TG: variants seen among roughly 807,000 people sequenced by gnomAD.
The protein encoded by TG is thyroid hormones.
TG carries 270 observed loss-of-function variants against 324.7 expected under a neutral mutation model. The ratio of observed to expected loss-of-function variants is 0.83; its 90% CI spans 0.75 to 0.92. TG has a LOEUF of 0.92. Ranked by LOEUF, TG falls within the 40% of genes least tolerant of loss-of-function variation. TG has a pLI of 0.00. For missense variants in TG, 3,591 were observed against 3,456.4 expected, an observed-to-expected ratio of 1.04 and a Z score of -0.98; for synonymous variants, 1,401 against 1,327.0, an observed-to-expected ratio of 1.06 and a Z score of -1.21.
At chr8:133,045,159 AC>A (rs1271408439) in intron 41 of TG, 2 of 1,607,516 alleles carry the variant, frequency 1.2e-6, no homozygotes, top group African/African-American at 1.3e-5. Flanking sequence ...ACCTGTCCTC[AC>A]CCCAAGGCAC....
At chr8:133,037,680 T>C (rs1466711597) in intron 41 of TG, 1 of 152,068 alleles carries the variant, frequency 6.6e-6, no homozygotes, top group Non-Finnish European at 1.5e-5. Flanking sequence ...ACAGAGGACT[T>C]AATGCAATGC....
intron 41 of TG, among the ~76,000 whole-genome samples, chr8:133,066,014 A>G (rs1842985356): frequency 6.6e-6 from 1 of 152,092 alleles, no homozygotes; most frequent in Non-Finnish European, 1.5e-5. Flanking sequence ...TGTGGTCAAA[A>G]GGGCAGGAGT....
At position 133,003,724 on chromosome 8, in the gene TG, G is replaced by T. The variant is rs772693108; in HGVS notation, c.6263-8177G>T. On this transcript the variant is annotated intron_variant, in intron 35 of 47. Transcript: ENST00000220616. Reference sequence around the variant, plus strand: ...CTGTGCTGCCTCCAGGTTGTGAGGTGACCCAAGCTGCCCCCATCACCTCCT... The same window carrying T: ...CTGTGCTGCCTCCAGGTTGTGAGGTTACCCAAGCTGCCCCCATCACCTCCT... 6.1e-4 allele frequency among the ~76,000 whole-genome samples: 93 copies of T among 152,302 alleles called. 1 individual carries two copies. Among genetic ancestry groups the T allele is most frequent in the South Asian group, 4.1e-3 (20 of 4,828 alleles).
intron 41 of TG, among the ~76,000 whole-genome samples, chr8:133,030,862 G>C (rs1836574571): frequency 6.6e-6 from 1 of 152,246 alleles, no homozygotes; most frequent in African/African-American, 2.4e-5. Context: ...GGAAAGCTTG[G>C]AGGACAGAGC....
At chr8:133,026,218 G>A (rs543110994) in intron 40 of TG, among the ~76,000 whole-genome samples, 2 of 152,344 alleles carry the variant, frequency 1.3e-5, no homozygotes, top group African/African-American at 4.8e-5. Context: ...AATATGTGCA[G>A]CATCTGCTGC....
At chr8:133,115,065 T>C (rs915962738) in intron 44 of TG, among the ~76,000 whole-genome samples, 22 of 152,204 alleles carry the variant, frequency 1.4e-4, no homozygotes, top group African/African-American at 5.1e-4. Context: ...GAGAGGCTTA[T>C]AATCAAGTCA....
chr8:133,029,266 T>C (rs1400924195), intron 40 of TG, among the ~76,000 whole-genome samples: 4 of 152,126 alleles, frequency 2.6e-5, no homozygotes, highest in Non-Finnish European at 4.4e-5. Flanking sequence ...TCAACAAATG[T>C]TAATTGGATT....
chr8:133,038,453 T>A (rs1837482915), intron 41 of TG: 1 of 1,284,330 alleles, frequency 7.8e-7, no homozygotes, highest in African/African-American at 1.5e-5. Flanking sequence ...GAACCTCGCT[T>A]TTCGCAAGAT....
intron 22 of TG, among the ~76,000 whole-genome samples, chr8:132,928,632 A>C (rs562179000): frequency 6.6e-6 from 1 of 152,238 alleles, no homozygotes; most frequent in African/African-American, 2.4e-5. Flanking sequence ...ACATGTCTTC[A>C]GATTTACCTA....
chr8:132,968,119 T>G (rs1245073328), intron 31 of TG, 149 bp downstream of exon 31: 2 of 988,930 alleles, frequency 2.0e-6, no homozygotes, highest in African/African-American at 3.3e-5. Context: ...GGATCCAAAC[T>G]TTCACGGTTA....
intron 27 of TG, among the ~76,000 whole-genome samples, chr8:132,959,609 C>T (rs544609072): frequency 6.6e-6 from 1 of 152,288 alleles, no homozygotes; most frequent in Non-Finnish European, 1.5e-5. Context: ...AGAACATATT[C>T]TGGTTGGTAA....
intron 40 of TG, among the ~76,000 whole-genome samples, chr8:133,025,397 A>G (rs918137894): frequency 6.6e-5 from 10 of 152,196 alleles, no homozygotes; most frequent in African/African-American, 2.4e-4. Flanking sequence ...TCCCTCTTTC[A>G]TATTTTTTAA....
chr8:132,912,765 C>T (rs1819713318), intron 19 of TG, among the ~76,000 whole-genome samples: 1 of 152,078 alleles, frequency 6.6e-6, no homozygotes, highest in African/African-American at 2.4e-5. Flanking sequence ...GACTGAAGAC[C>T]CGATATCCTA....
Position 133,013,775 on chromosome 8 carries a change from G to T in TG, c.6562+11G>T. The T allele has an allele frequency of 6.2e-7, 1 of 1,607,166 alleles. No individual in the cohort carries two copies. On this transcript the variant is annotated intron_variant, in intron 37 of 47. Transcript: ENST00000220616. ...TCTACCGGAAGCCAGGTAAGCCCAA[G>T]CCTATGCCTTTGCAGCCATCCTGGG...
chr8:132,902,793 G>A lies in TG; in HGVS notation c.3634+1240G>A, dbSNP rs183204398. ...CCGGTGTGGCCTCCTCCAGGAACAG[G>A]TCTGGAGCACAGCTCCTTTAGCGCT... On this transcript the variant is annotated intron_variant, in intron 16 of 47. Transcript: ENST00000220616. Among the ~76,000 whole-genome samples, 938 of 152,316 alleles carry A rather than the reference G, an allele frequency of 6.2e-3. 4 individuals are homozygous for A. Among genetic ancestry groups the A allele is most frequent in the Non-Finnish European group, 7.2e-3 (492 of 68,038 alleles).
chr8:133,103,218 C>G (rs80221747), intron 43 of TG, among the ~76,000 whole-genome samples: 3,633 of 152,314 alleles, frequency 0.024, 157 homozygotes, highest in African/African-American at 0.082. Context: ...CTGGTCTGAG[C>G]TGCAGTTTCT....
rs565506563 is a variant in TG, at chr8:132,892,801, GGT to G, written c.2762-880_2762-879del. On this transcript the variant is annotated intron_variant, in intron 10 of 47. Transcript: ENST00000220616. Reference sequence around the variant, plus strand: ...GGTGTGTGTGTATGTGTATGAGTGTGGTGTGTGTGTTTATGTGTGTGGTGTGT... The same window carrying G: ...GGTGTGTGTGTATGTGTATGAGTGTGGTGTGTGTTTATGTGTGTGGTGTGT... Among the ~76,000 whole-genome samples, 651 of 150,768 alleles carry G rather than the reference GGT, an allele frequency of 4.3e-3. 2 individuals carry two copies. Among genetic ancestry groups the G allele is most frequent in the African/African-American group, 0.015 (611 of 41,060 alleles).
intron 26 of TG, among the ~76,000 whole-genome samples, chr8:132,948,547 A>T (rs1333277115): frequency 6.6e-6 from 1 of 152,202 alleles, no homozygotes; most frequent in African/African-American, 2.4e-5. Context: ...GGAAAGGATC[A>T]GTAGGCTTGA....
At chr8:132,906,178 A>C (rs1034021580) in intron 16 of TG, among the ~76,000 whole-genome samples, 1 of 152,154 alleles carries the variant, frequency 6.6e-6, no homozygotes, top group African/African-American at 2.4e-5. Context: ...TAAATGAGGG[A>C]GGTGGCAGTA....
Sources: allele counts gnomAD v4.1 joint callset (sites outside exome capture counted in the v4.1 genomes callset), GRCh38; gene constraint gnomAD v4.1.1; transcripts MANE v1.5; gene names NCBI Gene and HGNC (gene_info 2026-07-23, HGNC 2026-07-21).